Variants in CPAMD8 observed in about 807,000 individuals in gnomAD.
CPAMD8 encodes C3 and PZP-like alpha-2-macroglobulin domain-containing protein 8.
A neutral mutation model predicts 224.7 loss-of-function variants in CPAMD8; 146 were observed. That is an observed-to-expected ratio of 0.65 (90% CI 0.57 to 0.75). The LOEUF (loss-of-function observed/expected upper bound fraction) is 0.75. CPAMD8 is among the 30% of genes least tolerant of loss of function. The pLI is 0.00. For missense variants in CPAMD8, 2,301 were observed against 2,537.5 expected (o/e 0.91, Z 2.00); for synonymous variants, 966 against 1,044.6 (o/e 0.92, Z 1.45).
chr19:17,007,938 C>T (rs775143752), intron 7 of CPAMD8, among the ~76,000 whole-genome samples: 2 of 152,180 alleles, frequency 1.3e-5, no homozygotes, highest in Non-Finnish European at 2.9e-5. Context: ...GAGGACAAGG[C>T]GGGTGGATCA....
chr19:16,996,099 G>A lies in CPAMD8; in HGVS notation c.1095+1012C>T, dbSNP rs1031259871. On this transcript the variant is annotated intron_variant, in intron 11 of 41. Coordinates refer to ENST00000443236, the MANE Select transcript of CPAMD8 (RefSeq NM_015692.5). ...CAGGAGGCAGAGGTTGCAATTAGTCGAGATCATGCCACTGCACTCCAGCCT... is the reference window on the plus strand; with the variant it reads ...CAGGAGGCAGAGGTTGCAATTAGTCAAGATCATGCCACTGCACTCCAGCCT... 7.2e-5 allele frequency among the ~76,000 whole-genome samples: 11 copies of A among 152,168 alleles called. No homozygotes were observed. The East Asian group carries it at 7.7e-4, about 11-fold the overall frequency.
At position 16,997,344 on chromosome 19, in the gene CPAMD8, G is replaced by A. The variant is rs1404662974; in HGVS notation, c.868-6C>T. ...AAGTCCCGGGAGCCGAGGATCTGGA[G>A]GGAGGAAAAACACAGCCCGTGCTCA... On this transcript the variant is annotated splice_polypyrimidine_tract_variant and splice_region_variant and intron_variant, in intron 10 of 41. Transcript: ENST00000443236. 2 of 1,546,502 alleles carry A rather than the reference G, an allele frequency of 1.3e-6. No individual in the cohort carries two copies. Among genetic ancestry groups the A allele is most frequent in the Admixed American group, 1.9e-5 (1 of 53,894 alleles).
chr19:16,946,030 T>C (rs756211763), intron 21 of CPAMD8, among the ~76,000 whole-genome samples: 2 of 152,204 alleles, frequency 1.3e-5, no homozygotes, highest in Non-Finnish European at 2.9e-5. Context: ...CGTGTGTTTG[T>C]GTGTATATGC....
chr19:16,897,544 G>A, intron 39 of CPAMD8, 147 bp downstream of exon 39: 1 of 566,318 alleles, frequency 1.8e-6, no homozygotes. Context: ...CAGGCAGAGC[G>A]CCCGCCCACC....
intron 9 of CPAMD8, 28 bp downstream of exon 9, chr19:17,002,238 G>C: frequency 6.7e-7 from 1 of 1,484,004 alleles, no homozygotes; most frequent in Non-Finnish European, 9.3e-7. Flanking sequence ...GGCCCCCCCA[G>C]TGTGCCCCAG....
At chr19:16,987,031 T>G (rs973617597) in intron 13 of CPAMD8, among the ~76,000 whole-genome samples, 8 of 150,122 alleles carry the variant, frequency 5.3e-5, no homozygotes, top group Non-Finnish European at 1.2e-4. Flanking sequence ...TGGTGGCAGG[T>G]GCCTGTAATC....
chr19:16,895,742 T>C (rs1272129648), intron 41 of CPAMD8: 1 of 364,496 alleles, frequency 2.7e-6, no homozygotes. Context: ...GCAATGCTCA[T>C]TGGGGCATTT....
chr19:16,952,687 A>C (rs956680303), intron 19 of CPAMD8, among the ~76,000 whole-genome samples: 5 of 152,148 alleles, frequency 3.3e-5, no homozygotes, highest in South Asian at 2.1e-4. Flanking sequence ...CACACACACA[A>C]AAATATTATT....
chr19:16,898,140 TTTTC>T lies in CPAMD8; in HGVS notation c.4849-150_4849-147del. ...ATCCCATTTTCTTTTTTTCTTTTAC[TTTTC>T]TTTTTTTTTTTTTTTCCTGAGACAG... On this transcript the variant is annotated intron_variant, in intron 37 of 41. Coordinates refer to ENST00000443236, the MANE Select transcript of CPAMD8 (RefSeq NM_015692.5). The surrounding 1 kb of genome is among the most constrained non-coding windows in gnomAD (Gnocchi z 4.2). The T allele has an allele frequency of 3.4e-6, 2 of 590,228 alleles. No individual in the cohort carries two copies. Among genetic ancestry groups the T allele is most frequent in the Non-Finnish European group, 5.8e-6 (2 of 342,432 alleles). The allele number at this position is 590,228 out of a possible 1,614,324, so 36.6% of individuals were successfully genotyped here.
Position 16,970,926 on chromosome 19 carries a change from G to A in CPAMD8, c.2178C>T (p.Ser726=). 6.2e-7 allele frequency: 1 copy of A among 1,613,820 alleles called. No homozygotes were observed. The highest frequency in any genetic ancestry group is 8.5e-7 in the Non-Finnish European group (1 of 1,179,906). The change falls in exon 18 of 42, where the codon AGC becomes AGT. Residue 726 remains serine (S), a synonymous_variant. Transcript: ENST00000443236. ...GCCTGGAAGGAGCCACTGCCACCAG[G>A]CTCCCTGTGTGGGGCTGGAAAGCGG... ...AVPAFQPHTG[S]LVAVAPSRHP...
intron 26 of CPAMD8, among the ~76,000 whole-genome samples, chr19:16,924,864 C>T (rs2053302705): frequency 6.6e-6 from 1 of 152,218 alleles, no homozygotes; most frequent in South Asian, 2.1e-4. Flanking sequence ...GGATTACAGG[C>T]ATCAGCCACT....
rs1355295630 is a variant in CPAMD8 at position 16,952,123 on chromosome 19, A to G, written c.2354T>C (p.Leu785Pro). 2 of 1,553,046 alleles carry G rather than the reference A, an allele frequency of 1.3e-6. No individual in the cohort carries two copies. Among genetic ancestry groups the G allele is most frequent in the South Asian group, 1.2e-5 (1 of 84,236 alleles). The part of the protein sequence containing the change: ...ITSWVGEAVA[L>P]STSQGLGIAE... ...GATGCCTAAGCCCTGAGAGGTGGAC[A>G]GGGCCACGGCCTCACCCACCCAGCT... Residue 785 changes from leucine (L) to proline (P), a missense_variant, in exon 20 of 42, where the codon CTG becomes CCG. Transcript: ENST00000443236.
At chr19:16,956,609 C>G (rs934872649) in intron 19 of CPAMD8, among the ~76,000 whole-genome samples, 1 of 152,146 alleles carries the variant, frequency 6.6e-6, no homozygotes, top group Non-Finnish European at 1.5e-5. Context: ...ACAGGAAGAT[C>G]ACTTGAGGCC....
At chr19:16,999,939 A>G (rs1443167582) in intron 10 of CPAMD8, among the ~76,000 whole-genome samples, 1 of 152,098 alleles carries the variant, frequency 6.6e-6, no homozygotes, top group Non-Finnish European at 1.5e-5. Context: ...TGGCCTCCCA[A>G]AGTGCTGGGA....
chr19:17,004,086 A>G (rs1200810413), intron 8 of CPAMD8, among the ~76,000 whole-genome samples, 187 bp downstream of exon 8: 1 of 151,792 alleles, frequency 6.6e-6, no homozygotes, highest in Non-Finnish European at 1.5e-5. Flanking sequence ...TTGTATTTTT[A>G]GTAGACACGA....
intron 36 of CPAMD8, among the ~76,000 whole-genome samples, chr19:16,900,144 C>T (rs1280671547): frequency 6.6e-6 from 1 of 152,126 alleles, no homozygotes; most frequent in Admixed American, 6.6e-5. Context: ...CCATGTCCCT[C>T]TTCCTTCCTG....
intron 33 of CPAMD8, 28 bp downstream of exon 33, chr19:16,903,674 C>A (rs1449681712): frequency 3.1e-6 from 5 of 1,613,922 alleles, no homozygotes; most frequent in Non-Finnish European, 3.4e-6. Flanking sequence ...TCCAACAACC[C>A]CCAAACCCTC....
At chr19:17,021,904 G>C in intron 2 of CPAMD8, 126 bp downstream of exon 2, 1 of 367,766 alleles carries the variant, frequency 2.7e-6, no homozygotes. Flanking sequence ...TCCCTCCCAT[G>C]CCCCTGGGGA....
chr19:16,938,553 A>G, intron 22 of CPAMD8, 107 bp from the exon 23 acceptor site: 1 of 645,772 alleles, frequency 1.5e-6, no homozygotes, highest in South Asian at 1.9e-5. Flanking sequence ...TCCAGACCAC[A>G]TAATTGTGCT....
Sources: allele counts gnomAD v4.1 joint callset (sites outside exome capture counted in the v4.1 genomes callset), GRCh38; gene constraint gnomAD v4.1.1; non-coding constraint Gnocchi (gnomAD v3.1); transcripts MANE v1.5; gene names NCBI Gene and HGNC (gene_info 2026-07-23, HGNC 2026-07-21).